WDFY2: variants seen among roughly 807,000 people sequenced by gnomAD.
The protein encoded by WDFY2 is WD repeat and FYVE domain containing 2.
Under a neutral mutation model 56.4 loss-of-function variants are expected in WDFY2, and 36 were observed. That is an observed-to-expected ratio of 0.64 (90% CI 0.49 to 0.84). The LOEUF is 0.84. WDFY2 is among the 40% of genes least tolerant of loss of function. WDFY2 has a pLI of 0.00. For missense variants in WDFY2, 444 were observed against 512.2 expected (o/e 0.87, Z 1.29); for synonymous variants, 176 against 183.7 (o/e 0.96, Z 0.34).
At chr13:51,659,962 G>A (rs1370352647) in intron 1 of WDFY2, among the ~76,000 whole-genome samples, 3 of 152,114 alleles carry the variant, frequency 2.0e-5, no homozygotes, top group South Asian at 2.1e-4. Context: ...GCTTCTAGCC[G>A]TCAAGGGCAA....
At chr13:51,645,385 G>C (rs1004170370) in intron 1 of WDFY2, among the ~76,000 whole-genome samples, 1 of 152,128 alleles carries the variant, frequency 6.6e-6, no homozygotes, top group Admixed American at 6.5e-5. Context: ...CCTGGGAAAT[G>C]AAGCTCATTG....
chr13:51,634,559 C>T (rs1255702873), intron 1 of WDFY2, among the ~76,000 whole-genome samples: 2 of 152,164 alleles, frequency 1.3e-5, no homozygotes, highest in Non-Finnish European at 2.9e-5. Flanking sequence ...CCTGTAATCC[C>T]AGCACCTTGG....
intron 7 of WDFY2, among the ~76,000 whole-genome samples, chr13:51,746,692 T>A (rs1272208290): frequency 6.6e-6 from 1 of 152,110 alleles, no homozygotes; most frequent in Non-Finnish European, 1.5e-5. Context: ...TTCTTAAATG[T>A]TTTGATTTAA....
At chr13:51,623,274 C>T (rs1954775308) in intron 1 of WDFY2, among the ~76,000 whole-genome samples, 1 of 151,514 alleles carries the variant, frequency 6.6e-6, no homozygotes, top group African/African-American at 2.4e-5. Flanking sequence ...GGCCAAAAGA[C>T]ATAAACCCAG....
chr13:51,753,597 G>A (rs567095036), intron 8 of WDFY2, among the ~76,000 whole-genome samples: 1 of 152,114 alleles, frequency 6.6e-6, no homozygotes, highest in Non-Finnish European at 1.5e-5. Flanking sequence ...TAACACGTGT[G>A]TAAGACTTTT....
rs777760271 is a variant in WDFY2 at position 51,755,475 on chromosome 13, G to A, written c.933+16G>A. The A allele has an allele frequency of 3.7e-6, 6 of 1,606,524 alleles. No homozygotes were observed. The highest frequency in any genetic ancestry group is 4.3e-6 in the Non-Finnish European group (5 of 1,173,226). On this transcript the variant is annotated intron_variant, in intron 9 of 11. Coordinates refer to ENST00000298125, the MANE Select transcript of WDFY2 (RefSeq NM_052950.4). ...TCTAAGACAGGTGAGTGATATGGATGCTTCATCAAAATGTAATTATATGGA... is the reference window on the plus strand; with the variant it reads ...TCTAAGACAGGTGAGTGATATGGATACTTCATCAAAATGTAATTATATGGA...
intron 1 of WDFY2, among the ~76,000 whole-genome samples, chr13:51,639,059 C>CT (rs537263437): frequency 6.6e-6 from 1 of 152,046 alleles, no homozygotes; most frequent in Non-Finnish European, 1.5e-5. Flanking sequence ...TACATGTATG[C>CT]TTTTTTTATT....
At chr13:51,589,790 C>T (rs1414702294) in intron 1 of WDFY2, 1 of 152,150 alleles carries the variant, frequency 6.6e-6, no homozygotes, top group Non-Finnish European at 1.5e-5. Flanking sequence ...AAAATTAATA[C>T]ACTTTCCACT....
At chr13:51,614,261 C>T (rs1388199402) in intron 1 of WDFY2, among the ~76,000 whole-genome samples, 6 of 150,642 alleles carry the variant, frequency 4.0e-5, no homozygotes, top group Non-Finnish European at 8.8e-5. Flanking sequence ...AGCTGTTCTT[C>T]AAGGGATTAT....
chr13:51,712,688 C>G lies in WDFY2; in HGVS notation c.335-6510C>G, dbSNP rs1241131345. Among the ~76,000 whole-genome samples, 7 of 150,908 alleles carry G rather than the reference C, an allele frequency of 4.6e-5. No individual in the cohort carries two copies. The East Asian group carries it at 1.2e-3, about 25-fold the overall frequency. ...GAGAAAAATCAATGAAATCCAAAAG[C>G]TAGTGTTTTGATAAGCTCAATAAAA... On this transcript the variant is annotated intron_variant, in intron 4 of 11. Coordinates refer to ENST00000298125, the MANE Select transcript of WDFY2 (RefSeq NM_052950.4).
chr13:51,738,013 AAAGT>A (rs1460508331), intron 6 of WDFY2, among the ~76,000 whole-genome samples: 1 of 151,528 alleles, frequency 6.6e-6, no homozygotes, highest in Admixed American at 6.6e-5. Context: ...GACAAATAAG[AAAGT>A]ATTCTCCTGA....
chr13:51,611,303 A>C (rs1954498229), intron 1 of WDFY2, among the ~76,000 whole-genome samples: 2 of 152,350 alleles, frequency 1.3e-5, no homozygotes, highest in Admixed American at 1.3e-4. Context: ...TACTTGAAGA[A>C]TATGTATAGT....
intron 5 of WDFY2, among the ~76,000 whole-genome samples, chr13:51,724,168 T>A (rs1206831684): frequency 6.6e-6 from 1 of 151,866 alleles, no homozygotes; most frequent in East Asian, 1.9e-4. Context: ...TTATTTTATG[T>A]TCAAATTATC....
intron 1 of WDFY2, among the ~76,000 whole-genome samples, chr13:51,656,939 G>A (rs1955519477): frequency 6.6e-6 from 1 of 151,964 alleles, no homozygotes; most frequent in Non-Finnish European, 1.5e-5. Context: ...TTCTACCAGT[G>A]TCTGTTTTTG....
intron 8 of WDFY2, among the ~76,000 whole-genome samples, chr13:51,752,046 C>T (rs911520765): frequency 7.9e-5 from 12 of 152,136 alleles, no homozygotes; most frequent in Admixed American, 6.5e-4. Flanking sequence ...TAGAATTATT[C>T]TGGGTAGACT....
chr13:51,659,643 C>T (rs1955575375), intron 1 of WDFY2, among the ~76,000 whole-genome samples: 1 of 152,172 alleles, frequency 6.6e-6, no homozygotes, highest in Admixed American at 6.5e-5. Context: ...GGTGTCTGCT[C>T]TCTGACTTTT....
At chr13:51,696,149 C>T (rs1193026577) in intron 3 of WDFY2, among the ~76,000 whole-genome samples, 1 of 152,186 alleles carries the variant, frequency 6.6e-6, no homozygotes, top group Non-Finnish European at 1.5e-5. Context: ...AATGCCTCGC[C>T]CTGCTTTGGC....
intron 1 of WDFY2, among the ~76,000 whole-genome samples, chr13:51,631,975 A>G (rs1344897597): frequency 1.3e-5 from 2 of 152,220 alleles, no homozygotes; most frequent in Non-Finnish European, 2.9e-5. Context: ...CAGATAAGGT[A>G]TGTGGAAAGT....
At chr13:51,678,009 T>C (rs1048548453) in intron 3 of WDFY2, among the ~76,000 whole-genome samples, 2 of 152,174 alleles carry the variant, frequency 1.3e-5, no homozygotes, top group Admixed American at 6.5e-5. Flanking sequence ...ACCTATACCT[T>C]TTGCTCTTTT....
Sources: gnomAD v4.1 joint callset for allele counts (sites outside exome capture counted in the v4.1 genomes callset) on GRCh38, gnomAD v4.1.1 for gene constraint, MANE v1.5 for transcripts, NCBI Gene and HGNC (gene_info 2026-07-23, HGNC 2026-07-21) for gene names.